Variants in CDC42SE2 observed in about 807,000 individuals in gnomAD.
CDC42SE2 encodes CDC42 small effector protein 2.
In CDC42SE2, 3 loss-of-function variants were observed where a neutral mutation model predicts 11.5. The ratio of observed to expected loss-of-function variants is 0.26; its 90% CI spans 0.12 to 0.67. CDC42SE2 has a LOEUF of 0.67. Among genes scored for constraint, CDC42SE2 ranks in the 30% least tolerant of loss-of-function variants. The pLI is 0.80. For missense variants in CDC42SE2, 82 were observed against 106.8 expected (o/e 0.77, Z 1.02); for synonymous variants, 33 against 34.8 (o/e 0.95, Z 0.18).
the CDC42SE2 span, among the ~76,000 whole-genome samples, chr5:131,233,150 C>T: frequency 6.6e-6 from 1 of 151,880 alleles, no homozygotes; most frequent in African/African-American, 2.4e-5. Flanking sequence ...AGCATAAGAC[C>T]CACACTGTTC....
At chr5:131,354,422 T>C (rs765873021) in intron 2 of CDC42SE2, among the ~76,000 whole-genome samples, 1 of 152,186 alleles carries the variant, frequency 6.6e-6, no homozygotes, top group Non-Finnish European at 1.5e-5. Flanking sequence ...GTAACCATTC[T>C]CCTGACTTTA....
chr5:131,252,100 G>GGAAA (rs748269456), intron 1 of CDC42SE2, among the ~76,000 whole-genome samples: 1 of 150,724 alleles, frequency 6.6e-6, no homozygotes, highest in East Asian at 1.9e-4. Flanking sequence ...AAGGAAGGAA[G>GGAAA]GAAGGAAGGA....
chr5:131,309,881 T>A (rs1757864453), intron 1 of CDC42SE2, among the ~76,000 whole-genome samples: 1 of 151,838 alleles, frequency 6.6e-6, no homozygotes, highest in Non-Finnish European at 1.5e-5. Context: ...ATTTTGTTGA[T>A]CCTTTCAAAA....
At chr5:131,234,389 G>A in the CDC42SE2 span, among the ~76,000 whole-genome samples, 3 of 152,156 alleles carry the variant, frequency 2.0e-5, no homozygotes, top group Non-Finnish European at 4.4e-5. Context: ...TGTAATCCCA[G>A]CACTTTGGGA....
At position 131,246,835 on chromosome 5, in the gene CDC42SE2, C is replaced by T. The variant is rs7721298; in HGVS notation, n.107+1236C>T. Among the ~76,000 whole-genome samples the T allele has an allele frequency of 2.0e-3, 307 of 150,600 alleles. 2 individuals carry two copies. Among genetic ancestry groups the T allele is most frequent in the African/African-American group, 7.0e-3 (288 of 40,922 alleles). Reference sequence around the variant, plus strand: ...CTCAGCTCACCACAATCTCTGCCTCCGGGGTTCAAGAGATTCTCCTACCTC... The same window carrying T: ...CTCAGCTCACCACAATCTCTGCCTCTGGGGTTCAAGAGATTCTCCTACCTC... On this transcript the variant is annotated intron_variant and non_coding_transcript_variant, in intron 1 of 3. Transcript: ENST00000502840.
intron 2 of CDC42SE2, among the ~76,000 whole-genome samples, chr5:131,334,114 T>C (rs567213778): frequency 1.4e-3 from 216 of 152,236 alleles, no homozygotes; most frequent in African/African-American, 4.9e-3. Flanking sequence ...CATAGATAGC[T>C]CTTATTATTT....
intron 3 of CDC42SE2, among the ~76,000 whole-genome samples, chr5:131,382,165 A>G (rs1185331930): frequency 6.6e-6 from 1 of 152,252 alleles, no homozygotes; most frequent in African/African-American, 2.4e-5. Context: ...ATAACACAGT[A>G]TGATAGAAGT....
At chr5:131,271,612 G>T (rs984327568) in intron 1 of CDC42SE2, among the ~76,000 whole-genome samples, 4 of 152,124 alleles carry the variant, frequency 2.6e-5, no homozygotes, top group African/African-American at 9.7e-5. Context: ...ATCACCCATG[G>T]ATACCGAGGG....
At chr5:131,233,723 A>C in the CDC42SE2 span, among the ~76,000 whole-genome samples, 1 of 152,304 alleles carries the variant, frequency 6.6e-6, no homozygotes, top group South Asian at 2.1e-4. Context: ...CACTATATGT[A>C]TATTTGTAGT....
intron 3 of CDC42SE2, among the ~76,000 whole-genome samples, chr5:131,363,672 C>T (rs1045604826): frequency 3.4e-5 from 5 of 148,514 alleles, no homozygotes; most frequent in East Asian, 2.0e-4. Context: ...CCACCGCGCC[C>T]GGCCTTTTTT....
At chr5:131,303,147 T>C (rs1757716946) in intron 1 of CDC42SE2, among the ~76,000 whole-genome samples, 1 of 152,232 alleles carries the variant, frequency 6.6e-6, no homozygotes, top group African/African-American at 2.4e-5. Context: ...CAGTGATTTA[T>C]TGCAGTGCTA....
chr5:131,378,254 T>C (rs1480210737), intron 3 of CDC42SE2, among the ~76,000 whole-genome samples: 1 of 152,242 alleles, frequency 6.6e-6, no homozygotes, highest in African/African-American at 2.4e-5. Context: ...TTTTCATTTT[T>C]TGTGTCAATG....
chr5:131,242,011 T>G (rs577369925), upstream of CDC42SE2, among the ~76,000 whole-genome samples: 23 of 152,238 alleles, frequency 1.5e-4, no homozygotes, highest in Non-Finnish European at 2.8e-4. Flanking sequence ...AAGCATTTGT[T>G]GAATGAATGA....
chr5:131,385,993 A>T (rs2149789163), intron 4 of CDC42SE2, among the ~76,000 whole-genome samples: 1 of 152,284 alleles, frequency 6.6e-6, no homozygotes, highest in South Asian at 2.1e-4. Flanking sequence ...CAGCCTTTTT[A>T]ATAATAATCT....
rs187777320 is a variant in CDC42SE2 at position 131,247,013 on chromosome 5, G to A, written n.107+1414G>A. Among the ~76,000 whole-genome samples, 301 of 151,990 alleles carry A rather than the reference G, an allele frequency of 2.0e-3. 1 individual carries two copies. Among genetic ancestry groups the A allele is most frequent in the African/African-American group, 7.0e-3 (289 of 41,462 alleles). ...CCTGCCTCAGTCCCCCAAAGTGCTG[G>A]GATTACAAGCGTGCGCCCCCATGCC... On this transcript the variant is annotated intron_variant and non_coding_transcript_variant, in intron 1 of 3. Transcript: ENST00000502840.
chr5:131,226,723 G>T, the CDC42SE2 span, among the ~76,000 whole-genome samples: 2 of 152,206 alleles, frequency 1.3e-5, no homozygotes, highest in Non-Finnish European at 2.9e-5. Flanking sequence ...AGTTCAGTAG[G>T]TTGTTGAACT....
At chr5:131,332,502 C>T (rs1758442803) in intron 2 of CDC42SE2, among the ~76,000 whole-genome samples, 1 of 152,074 alleles carries the variant, frequency 6.6e-6, no homozygotes, top group Non-Finnish European at 1.5e-5. Context: ...ATGGCTGGAT[C>T]AAATGGTATT....
intron 2 of CDC42SE2, among the ~76,000 whole-genome samples, chr5:131,317,881 A>G (rs886436720): frequency 1.3e-5 from 2 of 149,722 alleles, no homozygotes; most frequent in Non-Finnish European, 3.0e-5. Context: ...TTTTTTCTTG[A>G]TCGATTCTGA....
intron 2 of CDC42SE2, among the ~76,000 whole-genome samples, chr5:131,339,526 G>T (rs1758658469): frequency 6.6e-6 from 1 of 152,018 alleles, no homozygotes; most frequent in Non-Finnish European, 1.5e-5. Context: ...TTATCATTTG[G>T]CCAAGCGCGG....
Sources: allele counts gnomAD v4.1 joint callset (sites outside exome capture counted in the v4.1 genomes callset), GRCh38; gene constraint gnomAD v4.1.1; transcripts MANE v1.5; gene names NCBI Gene and HGNC (gene_info 2026-07-23, HGNC 2026-07-21).